HIVEP3: variants seen among roughly 807,000 people sequenced by gnomAD.
HIVEP3 encodes the protein transcription factor HIVEP3.
Under a neutral mutation model 152.8 loss-of-function variants are expected in HIVEP3, and 49 were observed. The ratio of observed to expected loss-of-function variants is 0.32; its 90% CI spans 0.26 to 0.41. The LOEUF (loss-of-function observed/expected upper bound fraction) is 0.41. HIVEP3 is among the 10% of genes least tolerant of loss of function. The probability of loss-of-function intolerance (pLI) is 1.00; values close to 1 mark genes in which losing one functional copy is unlikely to be tolerated. For missense variants in HIVEP3, 2,790 were observed against 3,103.3 expected (o/e 0.90, Z 2.40); for synonymous variants, 1,269 against 1,289.0 (o/e 0.98, Z 0.33).
At chr1:41,681,347 G>A (rs1416263851) in intron 2 of HIVEP3, among the ~76,000 whole-genome samples, 1 of 152,190 alleles carries the variant, frequency 6.6e-6, no homozygotes, top group Non-Finnish European at 1.5e-5. Context: ...TCCCGTCTTA[G>A]CCTCACAAAG....
chr1:41,768,915 C>T (rs1043948596), intron 1 of HIVEP3, among the ~76,000 whole-genome samples: 5 of 152,212 alleles, frequency 3.3e-5, no homozygotes, highest in South Asian at 2.1e-4. Flanking sequence ...GACCTCAGGC[C>T]GCATCCGGCA....
chr1:41,970,834 C>A (rs1308562710), intron 1 of HIVEP3, among the ~76,000 whole-genome samples: 1 of 152,078 alleles, frequency 6.6e-6, no homozygotes, highest in African/African-American at 2.4e-5. Flanking sequence ...ATTGGAGCAA[C>A]CCTGCCACAA....
At chr1:41,716,632 G>T (rs782696) in intron 1 of HIVEP3, among the ~76,000 whole-genome samples, 129,019 of 152,136 alleles carry the variant, frequency 0.85, 55,276 homozygotes, top group East Asian at 1. Context: ...AAACAAAGCT[G>T]GGGGATGGGA....
chr1:41,682,754 C>A (rs562616075), intron 2 of HIVEP3, among the ~76,000 whole-genome samples: 3 of 152,210 alleles, frequency 2.0e-5, no homozygotes, highest in African/African-American at 7.2e-5. Flanking sequence ...TAAGAGCCTG[C>A]GGAAGCTCAC....
At chr1:41,724,832 C>T (rs1205087384) in intron 1 of HIVEP3, among the ~76,000 whole-genome samples, 1 of 152,222 alleles carries the variant, frequency 6.6e-6, no homozygotes, top group Non-Finnish European at 1.5e-5. Context: ...CAAGGGTGGC[C>T]CCTAGGCCTG....
intron 1 of HIVEP3, among the ~76,000 whole-genome samples, chr1:41,757,380 G>A (rs1360069227): frequency 6.6e-6 from 1 of 151,944 alleles, no homozygotes; most frequent in Non-Finnish European, 1.5e-5. Context: ...GCCTCCCAAA[G>A]TGCTGGGATT....
chr1:41,555,044 G>A (rs540247714), intron 5 of HIVEP3, among the ~76,000 whole-genome samples: 1 of 152,202 alleles, frequency 6.6e-6, no homozygotes, highest in African/African-American at 2.4e-5. Flanking sequence ...AGACAGGGAC[G>A]CTTAAGTCTG....
intron 2 of HIVEP3, among the ~76,000 whole-genome samples, chr1:41,632,112 G>C (rs1360795544): frequency 1.3e-5 from 2 of 152,160 alleles, no homozygotes; most frequent in Admixed American, 6.5e-5. Context: ...CATCCACTGT[G>C]CTCAGCCACG....
intron 6 of HIVEP3, among the ~76,000 whole-genome samples, chr1:41,521,624 G>C (rs1474239602): frequency 6.6e-6 from 1 of 152,228 alleles, no homozygotes; most frequent in African/African-American, 2.4e-5. Context: ...GTCAGGCAGA[G>C]CCACAGCTTC....
intron 2 of HIVEP3, among the ~76,000 whole-genome samples, chr1:41,630,198 T>G (rs1645174134): frequency 1.3e-5 from 2 of 152,188 alleles, no homozygotes; most frequent in South Asian, 4.1e-4. Context: ...TGCCATGTGT[T>G]TTCACCTATA....
chr1:41,603,174 C>A (rs1644770867), intron 3 of HIVEP3, among the ~76,000 whole-genome samples: 1 of 152,142 alleles, frequency 6.6e-6, no homozygotes, highest in African/African-American at 2.4e-5. Flanking sequence ...TCAAGCAATT[C>A]TCCTGCCCCA....
intron 5 of HIVEP3, among the ~76,000 whole-genome samples, chr1:41,530,107 GT>G (rs1404640986): frequency 6.6e-6 from 1 of 152,078 alleles, no homozygotes; most frequent in Non-Finnish European, 1.5e-5. Context: ...GGTGGACCCT[GT>G]TTTTTTGTCA....
At chr1:41,704,738 A>C (rs2124134648) in intron 1 of HIVEP3, among the ~76,000 whole-genome samples, 1 of 152,356 alleles carries the variant, frequency 6.6e-6, no homozygotes, top group African/African-American at 2.4e-5. Flanking sequence ...TTCCTTAACT[A>C]TGAGCACATG....
At chr1:41,866,139 C>G (rs967769745) in intron 1 of HIVEP3, among the ~76,000 whole-genome samples, 3 of 152,192 alleles carry the variant, frequency 2.0e-5, no homozygotes, top group Non-Finnish European at 4.4e-5. Flanking sequence ...ATCTTCAGCA[C>G]CCTTTACACC....
chr1:41,914,823 C>A (rs560409608), intron 1 of HIVEP3, among the ~76,000 whole-genome samples: 1 of 152,350 alleles, frequency 6.6e-6, no homozygotes, highest in Non-Finnish European at 1.5e-5. Context: ...TCTTTTCCAT[C>A]ACCAGGTCTC....
intron 1 of HIVEP3, among the ~76,000 whole-genome samples, chr1:41,780,036 G>A (rs1342207927): frequency 3.3e-5 from 5 of 152,228 alleles, no homozygotes; most frequent in Admixed American, 3.3e-4. Context: ...AAATCACGGA[G>A]AGATTGGCCC....
At chr1:42,033,131 T>C (rs1645622560) in intron 1 of HIVEP3, among the ~76,000 whole-genome samples, 1 of 151,694 alleles carries the variant, frequency 6.6e-6, no homozygotes, top group South Asian at 2.1e-4. Context: ...TAAATGACTT[T>C]TAAAGTTTCC....
At chr1:41,849,613 C>T (rs985816678) in intron 1 of HIVEP3, among the ~76,000 whole-genome samples, 1 of 152,038 alleles carries the variant, frequency 6.6e-6, no homozygotes, top group East Asian at 1.9e-4. Context: ...CATCTTATTG[C>T]AATATTTGCA....
intron 1 of HIVEP3, among the ~76,000 whole-genome samples, chr1:41,998,887 C>CTTTTTTTTTTTTTTTTTTTTTTTTTTTT (rs1184823372): frequency 2.6e-5 from 2 of 77,308 alleles, no homozygotes; most frequent in Non-Finnish European, 4.5e-5. Flanking sequence ...TTTTCTCTCT[C>CTTTTTTTTTTTTTTTTTTTTTTTTTTTT]TCTTTTTTTT....
Sources: gnomAD v4.1 joint callset for allele counts (sites outside exome capture counted in the v4.1 genomes callset) on GRCh38, gnomAD v4.1.1 for gene constraint, MANE v1.5 for transcripts, NCBI Gene and HGNC (gene_info 2026-07-23, HGNC 2026-07-21) for gene names.